The following MAF variants were observed in gnomAD, a reference collection of about 807,000 sequenced individuals.
The protein encoded by MAF is MAF bZIP transcription factor, also known as transcription factor Maf.
In MAF, 10 loss-of-function variants were observed where a neutral mutation model predicts 22.0. That is an observed-to-expected ratio of 0.45 (90% confidence interval 0.28 to 0.77). The LOEUF is 0.77. Among genes scored for constraint, MAF ranks in the 30% least tolerant of loss-of-function variants. The pLI, the probability that MAF is intolerant of heterozygous loss-of-function variation, is 0.12. For missense variants in MAF, 544 were observed against 548.4 expected, an observed-to-expected ratio of 0.99 and a Z score of 0.08; for synonymous variants, 337 against 255.8, an observed-to-expected ratio of 1.32 and a Z score of -3.03.
chr16:79,233,557 A>G, the MAF span, among the ~76,000 whole-genome samples: 2 of 152,094 alleles, frequency 1.3e-5, no homozygotes, highest in African/African-American at 2.4e-5. Context: ...TGGCAAATAC[A>G]TCAATGGGCT....
At chr16:79,247,878 C>T in the MAF span, among the ~76,000 whole-genome samples, 66,956 of 151,938 alleles carry the variant, frequency 0.44, 15,144 homozygotes, top group Non-Finnish European at 0.5. Context: ...AGAAAATAGC[C>T]ATTGCCTGTA....
the MAF span, among the ~76,000 whole-genome samples, chr16:79,282,922 G>T: frequency 6.6e-6 from 1 of 152,114 alleles, no homozygotes; most frequent in Non-Finnish European, 1.5e-5. Flanking sequence ...TTCATCAAAG[G>T]CATGTTTCAA....
chr16:79,509,647 T>C, the MAF span, among the ~76,000 whole-genome samples: 6 of 152,246 alleles, frequency 3.9e-5, no homozygotes, highest in Admixed American at 6.5e-5. Context: ...AAGGCCTGCG[T>C]TACCTTGGCC....
At chr16:79,209,813 A>G in the MAF span, among the ~76,000 whole-genome samples, 1 of 152,188 alleles carries the variant, frequency 6.6e-6, no homozygotes, top group African/African-American at 2.4e-5. Flanking sequence ...AACCCCTTGA[A>G]GTTGTTTAGA....
At chr16:79,463,998 G>A in the MAF span, among the ~76,000 whole-genome samples, 2 of 151,294 alleles carry the variant, frequency 1.3e-5, no homozygotes, top group African/African-American at 4.9e-5. Context: ...ACGATAAAAA[G>A]GGCTTTTTGA....
the MAF span, among the ~76,000 whole-genome samples, chr16:79,347,582 C>G: frequency 6.6e-6 from 1 of 152,162 alleles, no homozygotes. Context: ...TCGCATGCAC[C>G]GAGCGGGGAA....
chr16:79,254,532 T>C, the MAF span, among the ~76,000 whole-genome samples: 1 of 152,260 alleles, frequency 6.6e-6, no homozygotes, highest in African/African-American at 2.4e-5. Flanking sequence ...TTATGGTTGA[T>C]TGCCTACAGG....
the MAF span, among the ~76,000 whole-genome samples, chr16:79,413,210 G>GTTGTTTTTTTTTTTTTT: frequency 1.6e-5 from 1 of 63,620 alleles, no homozygotes; most frequent in African/African-American, 5.6e-5. Flanking sequence ...GAGCTGTGCA[G>GTTGTTTTTTTTTTTTTT]TTTTTTTTTT....
downstream of MAF, among the ~76,000 whole-genome samples, chr16:79,592,768 A>C (rs956401054): frequency 1.3e-5 from 2 of 152,246 alleles, no homozygotes; most frequent in Admixed American, 1.3e-4. Context: ...ACTGCAGATA[A>C]AACTTCTCTA....
the MAF span, among the ~76,000 whole-genome samples, chr16:79,305,895 G>A: frequency 2.0e-5 from 3 of 152,130 alleles, no homozygotes; most frequent in Non-Finnish European, 4.4e-5. Flanking sequence ...CACTATTTGG[G>A]ACCACAGCAT....
At chr16:79,216,343 T>C in the MAF span, among the ~76,000 whole-genome samples, 1 of 152,236 alleles carries the variant, frequency 6.6e-6, no homozygotes, top group East Asian at 1.9e-4. Flanking sequence ...TGCACATATA[T>C]GTATTGCATA....
At chr16:79,212,351 A>G in the MAF span, 2 of 619,154 alleles carry the variant, frequency 3.2e-6, no homozygotes, top group Non-Finnish European at 5.3e-6. Flanking sequence ...GATGACAGTG[A>G]CACCCAGAGG....
chr16:79,519,435 G>T, the MAF span, among the ~76,000 whole-genome samples: 1 of 152,218 alleles, frequency 6.6e-6, no homozygotes, highest in African/African-American at 2.4e-5. Context: ...GCTACGGGGA[G>T]TCTCTAACCC....
At chr16:79,480,464 T>A in the MAF span, among the ~76,000 whole-genome samples, 2 of 151,238 alleles carry the variant, frequency 1.3e-5, no homozygotes, top group African/African-American at 4.9e-5. Context: ...GGGAGACGAG[T>A]CTTCCTCTAA....
the MAF span, among the ~76,000 whole-genome samples, chr16:79,422,435 C>T: frequency 6.6e-6 from 1 of 152,144 alleles, no homozygotes; most frequent in Non-Finnish European, 1.5e-5. Flanking sequence ...ACCCCAGAGT[C>T]TTGGGTTAAA....
chr16:79,537,846 G>A, the MAF span, among the ~76,000 whole-genome samples: 1 of 152,182 alleles, frequency 6.6e-6, no homozygotes, highest in South Asian at 2.1e-4. Flanking sequence ...GCCGTTGATT[G>A]AGCACCTTCT....
chr16:79,438,149 T>C, the MAF span, among the ~76,000 whole-genome samples: 1 of 151,898 alleles, frequency 6.6e-6, no homozygotes. Context: ...GGGCAGGAGG[T>C]TCCCACATGC....
the MAF span, among the ~76,000 whole-genome samples, chr16:79,294,747 C>T: frequency 1.3e-5 from 2 of 152,088 alleles, no homozygotes; most frequent in Non-Finnish European, 2.9e-5. Context: ...TTATCTAGTT[C>T]CAAAGTCTGC....
At chr16:79,454,742 G>A in the MAF span, among the ~76,000 whole-genome samples, 1 of 151,738 alleles carries the variant, frequency 6.6e-6, no homozygotes, top group African/African-American at 2.4e-5. Context: ...GTGACCTGGA[G>A]AGGCTGATCA....
Sources: gnomAD v4.1 joint callset for allele counts (sites outside exome capture counted in the v4.1 genomes callset) on GRCh38, gnomAD v4.1.1 for gene constraint, MANE v1.5 for transcripts, NCBI Gene and HGNC (gene_info 2026-07-23, HGNC 2026-07-21) for gene names.